SNX18: variants seen among roughly 807,000 people sequenced by gnomAD.
The protein encoded by SNX18 is sorting nexin 18, also known as sorting nexin-18.
Under a neutral mutation model 48.7 loss-of-function variants are expected in SNX18, and 35 were observed. The observed-to-expected ratio is 0.72, with a 90% CI of 0.55 to 0.95. The LOEUF (loss-of-function observed/expected upper bound fraction) is 0.95. Ranked by LOEUF, SNX18 falls within the 40% of genes least tolerant of loss-of-function variation. The pLI is 0.00. For synonymous variants in SNX18, 492 were observed against 384.7 expected (o/e 1.28, Z -3.26); for missense variants, 824 against 871.0 (o/e 0.95, Z 0.68).
the SNX18 span, among the ~76,000 whole-genome samples, chr5:54,564,780 C>A: frequency 6.6e-6 from 1 of 152,090 alleles, no homozygotes; most frequent in African/African-American, 2.4e-5. Context: ...ATTGCTTGAA[C>A]CTGGGAGGCA....
the SNX18 span, among the ~76,000 whole-genome samples, chr5:54,607,510 A>G: frequency 2.0e-5 from 3 of 152,244 alleles, no homozygotes; most frequent in African/African-American, 7.2e-5. Flanking sequence ...CTACAATAAC[A>G]TAATTCTTGG....
the SNX18 span, among the ~76,000 whole-genome samples, chr5:54,609,521 G>A: frequency 6.6e-6 from 1 of 151,924 alleles, no homozygotes; most frequent in Admixed American, 6.6e-5. Context: ...GTCTTGCTAT[G>A]TTGCTCAGGC....
At chr5:54,556,103 T>C in the SNX18 span, among the ~76,000 whole-genome samples, 1 of 152,192 alleles carries the variant, frequency 6.6e-6, no homozygotes, top group Non-Finnish European at 1.5e-5. Context: ...CACAATATTT[T>C]ATCAGCCTCT....
At chr5:54,607,908 TG>T in the SNX18 span, among the ~76,000 whole-genome samples, 9 of 152,106 alleles carry the variant, frequency 5.9e-5, no homozygotes, top group African/African-American at 2.2e-4. Context: ...CACTCCAGCC[TG>T]GGTGACCGAG....
At chr5:54,587,557 G>T in the SNX18 span, among the ~76,000 whole-genome samples, 1 of 152,026 alleles carries the variant, frequency 6.6e-6, no homozygotes, top group East Asian at 1.9e-4. Flanking sequence ...CTTTCTCTCC[G>T]TGGTGCCCAA....
the SNX18 span, among the ~76,000 whole-genome samples, chr5:54,576,583 T>C: frequency 6.6e-6 from 1 of 152,316 alleles, no homozygotes; most frequent in Non-Finnish European, 1.5e-5. Flanking sequence ...TTACTCTGAA[T>C]CTTCATGGTG....
the SNX18 span, among the ~76,000 whole-genome samples, chr5:54,592,228 G>A: frequency 6.6e-6 from 1 of 152,156 alleles, no homozygotes; most frequent in Non-Finnish European, 1.5e-5. Flanking sequence ...CTTCATGTGA[G>A]ATCTGCCGAA....
the SNX18 span, among the ~76,000 whole-genome samples, chr5:54,599,872 C>G: frequency 6.6e-6 from 1 of 152,224 alleles, no homozygotes; most frequent in South Asian, 2.1e-4. Context: ...AAACGCAAAA[C>G]TATAAAAACT....
At chr5:54,569,035 GT>G in the SNX18 span, among the ~76,000 whole-genome samples, 251 of 151,876 alleles carry the variant, frequency 1.7e-3, 1 homozygote, top group African/African-American at 5.7e-3. Context: ...TAGAGACATG[GT>G]TTTGCCATGT....
At chr5:54,588,621 C>G in the SNX18 span, among the ~76,000 whole-genome samples, 290 of 152,218 alleles carry the variant, frequency 1.9e-3, no homozygotes, top group African/African-American at 6.9e-3. Flanking sequence ...GCCACCGCAC[C>G]CAGCTCTTAT....
chr5:54,610,956 G>A, the SNX18 span, among the ~76,000 whole-genome samples: 3 of 152,162 alleles, frequency 2.0e-5, no homozygotes, highest in Non-Finnish European at 2.9e-5. Flanking sequence ...TATTGGCTAC[G>A]TTTACAAATG....
At chr5:54,527,367 G>T (rs1351739165) in intron 1 of SNX18, among the ~76,000 whole-genome samples, 3 of 152,046 alleles carry the variant, frequency 2.0e-5, no homozygotes, top group Non-Finnish European at 4.4e-5. Context: ...CCGGGGGGGG[G>T]GGTCCCCCTC....
chr5:54,565,337 G>A, the SNX18 span, among the ~76,000 whole-genome samples: 1 of 152,162 alleles, frequency 6.6e-6, no homozygotes, highest in African/African-American at 2.4e-5. Context: ...ACTTTGGGAG[G>A]CCAAGGCAGG....
the SNX18 span, among the ~76,000 whole-genome samples, chr5:54,563,388 AC>A: frequency 6.6e-6 from 1 of 152,070 alleles, no homozygotes; most frequent in African/African-American, 2.4e-5. Context: ...TTTTTACACT[AC>A]CTTTTCTATG....
At chr5:54,549,900 C>G (rs534602465), downstream of SNX18, among the ~76,000 whole-genome samples, 1 of 152,258 alleles carries the variant, frequency 6.6e-6, no homozygotes, top group East Asian at 1.9e-4. Context: ...TAGTGTAGAC[C>G]AAGTTTGATT....
the SNX18 span, among the ~76,000 whole-genome samples, chr5:54,580,985 A>G: frequency 2.6e-5 from 4 of 152,164 alleles, no homozygotes; most frequent in African/African-American, 9.7e-5. Context: ...GGTGGGCTTC[A>G]TGGAGGAGGT....
the SNX18 span, among the ~76,000 whole-genome samples, chr5:54,572,455 T>C: frequency 1.7e-3 from 259 of 152,144 alleles, 1 homozygote; most frequent in African/African-American, 5.9e-3. Context: ...TTTAAGTTAC[T>C]CTTGACTCAT....
At chr5:54,586,695 T>C in the SNX18 span, among the ~76,000 whole-genome samples, 6 of 152,232 alleles carry the variant, frequency 3.9e-5, no homozygotes, top group Non-Finnish European at 8.8e-5. Context: ...TTAAAGGTCC[T>C]ACCTCTTAAT....
the SNX18 span, among the ~76,000 whole-genome samples, chr5:54,560,354 T>A: frequency 6.6e-6 from 1 of 152,212 alleles, no homozygotes; most frequent in Non-Finnish European, 1.5e-5. Flanking sequence ...GCCATTATCC[T>A]TAGCAAACGA....
Sources: allele counts gnomAD v4.1 joint callset (sites outside exome capture counted in the v4.1 genomes callset), GRCh38; gene constraint gnomAD v4.1.1; transcripts MANE v1.5; gene names NCBI Gene and HGNC (gene_info 2026-07-23, HGNC 2026-07-21).